The following OXR1 variants were observed in gnomAD, a reference collection of about 807,000 sequenced individuals.
The protein encoded by OXR1 is oxidation resistance 1, also known as oxidation resistance protein 1.
In OXR1, 41 loss-of-function variants were observed where a neutral mutation model predicts 104.6. The observed-to-expected ratio is 0.39, with a 90% CI of 0.31 to 0.51. The LOEUF is 0.51. OXR1 is among the 20% of genes least tolerant of loss of function. OXR1 has a pLI of 0.77. For missense variants in OXR1, 955 were observed against 1,031.9 expected (o/e 0.93, Z 1.02); for synonymous variants, 348 against 348.4 (o/e 1.00, Z 0.01).
intron 3 of OXR1, among the ~76,000 whole-genome samples, chr8:106,560,080 CTA>C (rs777209211): frequency 2.6e-5 from 4 of 151,940 alleles, no homozygotes; most frequent in Admixed American, 6.6e-5. Context: ...AAACATGAAA[CTA>C]GAGATAATAT....
At chr8:106,603,181 C>T (rs943202944) in intron 3 of OXR1, among the ~76,000 whole-genome samples, 2 of 152,140 alleles carry the variant, frequency 1.3e-5, no homozygotes, top group African/African-American at 4.8e-5. Flanking sequence ...ATTTGACATG[C>T]GTATGACTGG....
chr8:106,480,314 C>T (rs537736887), intron 2 of OXR1, among the ~76,000 whole-genome samples: 8 of 151,958 alleles, frequency 5.3e-5, no homozygotes, highest in Non-Finnish European at 8.8e-5. Flanking sequence ...AAAATTCAAA[C>T]CTATTATAGC....
At chr8:106,452,822 T>A (rs1286583764) in intron 2 of OXR1, among the ~76,000 whole-genome samples, 1 of 150,564 alleles carries the variant, frequency 6.6e-6, no homozygotes, top group East Asian at 1.9e-4. Flanking sequence ...TTTAAGGGCC[T>A]TTTTAAAAAA....
intron 2 of OXR1, among the ~76,000 whole-genome samples, chr8:106,451,040 A>G (rs1292062858): frequency 1.3e-5 from 2 of 152,146 alleles, no homozygotes; most frequent in African/African-American, 4.8e-5. Context: ...AGAACCTATC[A>G]AGGCTAAAGA....
chr8:106,396,222 G>C (rs945272278), intron 2 of OXR1, among the ~76,000 whole-genome samples: 12 of 152,120 alleles, frequency 7.9e-5, no homozygotes, highest in African/African-American at 2.9e-4. Flanking sequence ...GTGCTGGAAA[G>C]TGGGTCATAT....
intron 3 of OXR1, among the ~76,000 whole-genome samples, chr8:106,554,422 A>T (rs1816106783): frequency 6.6e-6 from 1 of 152,220 alleles, no homozygotes; most frequent in South Asian, 2.1e-4. Flanking sequence ...TCAGGATCTA[A>T]TGCAGGATCC....
chr8:106,337,254 A>G (rs1292850909), intron 1 of OXR1, among the ~76,000 whole-genome samples: 1 of 152,186 alleles, frequency 6.6e-6, no homozygotes, highest in East Asian at 1.9e-4. Context: ...TGTGGCCTAG[A>G]TAGGTACTGC....
intron 3 of OXR1, among the ~76,000 whole-genome samples, chr8:106,623,040 G>C (rs994807312): frequency 6.6e-6 from 1 of 152,170 alleles, no homozygotes; most frequent in Non-Finnish European, 1.5e-5. Context: ...AGCTAAGCAA[G>C]CGTCAGAGCT....
At chr8:106,298,340 A>G (rs1480571879) in intron 1 of OXR1, among the ~76,000 whole-genome samples, 1 of 152,200 alleles carries the variant, frequency 6.6e-6, no homozygotes, top group Non-Finnish European at 1.5e-5. Flanking sequence ...GAGGCAGGCA[A>G]GAGAACGTGT....
At chr8:106,297,938 C>A (rs563948134) in intron 1 of OXR1, among the ~76,000 whole-genome samples, 1 of 152,150 alleles carries the variant, frequency 6.6e-6, no homozygotes, top group Admixed American at 6.5e-5. Context: ...TCTTTGCCAG[C>A]AAGCTATTGC....
chr8:106,595,999 T>G (rs56746010), intron 3 of OXR1, among the ~76,000 whole-genome samples: 26,550 of 152,218 alleles, frequency 0.17, 2,496 homozygotes, highest in East Asian at 0.38. Context: ...TTTTGTAATT[T>G]CAAGTTATCA....
At chr8:106,424,876 AT>A (rs1403545386) in intron 2 of OXR1, among the ~76,000 whole-genome samples, 1 of 151,820 alleles carries the variant, frequency 6.6e-6, no homozygotes, top group African/African-American at 2.4e-5. Flanking sequence ...TTTCTTATGC[AT>A]TTTTGTATTC....
chr8:106,595,246 A>AT (rs1229714829), intron 3 of OXR1, among the ~76,000 whole-genome samples: 1 of 152,118 alleles, frequency 6.6e-6, no homozygotes, highest in Non-Finnish European at 1.5e-5. Flanking sequence ...AAGAAGTATC[A>AT]TTTCTCCTTA....
intron 3 of OXR1, among the ~76,000 whole-genome samples, chr8:106,677,719 A>C (rs1180088965): frequency 6.6e-6 from 1 of 151,990 alleles, no homozygotes; most frequent in African/African-American, 2.4e-5. Context: ...TTCTTTAAAT[A>C]TTTAGGATAC....
At chr8:106,694,846 A>T (rs1200470509) in intron 7 of OXR1, among the ~76,000 whole-genome samples, 1 of 116,238 alleles carries the variant, frequency 8.6e-6, no homozygotes, top group African/African-American at 3.5e-5. Flanking sequence ...TAATATATAT[A>T]TTTAATATAT....
chr8:106,311,688 A>G (rs937089199), intron 1 of OXR1, among the ~76,000 whole-genome samples: 3 of 152,092 alleles, frequency 2.0e-5, no homozygotes, highest in Non-Finnish European at 4.4e-5. Flanking sequence ...TTAACCAACC[A>G]TTTTTCTCAG....
chr8:106,531,738 TTACTC>T (rs1225639598), intron 3 of OXR1, among the ~76,000 whole-genome samples: 4 of 152,156 alleles, frequency 2.6e-5, no homozygotes, highest in African/African-American at 9.7e-5. Flanking sequence ...ACAATAATAT[TTACTC>T]TAAGTAAAGA....
chr8:106,706,651 A>G lies in OXR1; in HGVS notation c.1130A>G (p.Glu377Gly). Reference sequence around the variant, plus strand: ...TCTGTGCAAACTGTCAATCAGGCTGAAGTAGAAAGTCTGACAGTCAAATCA... The same window carrying G: ...TCTGTGCAAACTGTCAATCAGGCTGGAGTAGAAAGTCTGACAGTCAAATCA... ...SESVQTVNQA[E>G]VESLTVKSES... The change falls in exon 9 of 17, where the codon GAA becomes GGA. Residue 377 changes from glutamate (E) to glycine (G), a missense_variant. Physicochemically the swap from Glu to Gly is moderately conservative, Grantham distance 98 (BLOSUM62 -2). Coordinates refer to ENST00000517566, the MANE Select transcript of OXR1 (RefSeq NM_001198533.2). The G allele has an allele frequency of 6.2e-7, 1 of 1,613,670 alleles. No homozygotes were observed. The highest frequency in any genetic ancestry group is 1.7e-4 in the Middle Eastern group (1 of 6,054).
intron 3 of OXR1, among the ~76,000 whole-genome samples, chr8:106,530,500 G>A (rs780260566): frequency 1.3e-5 from 2 of 152,098 alleles, no homozygotes; most frequent in East Asian, 1.9e-4. Context: ...ATTTATGCTG[G>A]TCAATGAAAT....
Sources: gnomAD v4.1 joint callset for allele counts (sites outside exome capture counted in the v4.1 genomes callset) on GRCh38, gnomAD v4.1.1 for gene constraint, MANE v1.5 for transcripts, NCBI Gene and HGNC (gene_info 2026-07-23, HGNC 2026-07-21) for gene names.